DIS3L2: variants seen among roughly 807,000 people sequenced by gnomAD.
DIS3L2 encodes DIS3-like exonuclease 2.
Under a neutral mutation model 97.5 loss-of-function variants are expected in DIS3L2, and 34 were observed. That is an observed-to-expected ratio of 0.35 (90% CI 0.27 to 0.46). DIS3L2 has a LOEUF of 0.46. Among genes scored for constraint, DIS3L2 ranks in the 20% least tolerant of loss-of-function variants. The pLI, the probability that DIS3L2 is intolerant of heterozygous loss-of-function variation, is 1.00. For missense variants in DIS3L2, 1,038 were observed against 1,146.0 expected (o/e 0.91, Z 1.36); for synonymous variants, 435 against 445.2 (o/e 0.98, Z 0.29).
chr2:232,300,808 A>G (rs896125908), intron 14 of DIS3L2, among the ~76,000 whole-genome samples: 1 of 151,988 alleles, frequency 6.6e-6, no homozygotes, highest in Non-Finnish European at 1.5e-5. Flanking sequence ...GCACACCACC[A>G]TGCCCAGCTA....
chr2:232,045,318 A>G (rs902850195), intron 5 of DIS3L2, among the ~76,000 whole-genome samples: 2 of 152,156 alleles, frequency 1.3e-5, no homozygotes, highest in Admixed American at 6.5e-5. Flanking sequence ...TTTGTTGGGG[A>G]TGTTTCTTAC....
intron 10 of DIS3L2, among the ~76,000 whole-genome samples, chr2:232,211,205 C>T (rs1692181822): frequency 6.8e-6 from 1 of 146,494 alleles, no homozygotes; most frequent in South Asian, 2.4e-4. Context: ...AGTGTAGTGG[C>T]ATGATCATAG....
At chr2:232,329,788 C>CAGG in intron 14 of DIS3L2, 25 bp from the exon 15 acceptor site, 15 of 1,080,602 alleles carry the variant, frequency 1.4e-5, no homozygotes, top group East Asian at 3.0e-5. Context: ...CCAGCGGTCC[C>CAGG]TCCCATCCCA....
chr2:232,024,895 GT>G (rs1422978592), intron 4 of DIS3L2, among the ~76,000 whole-genome samples: 1 of 151,970 alleles, frequency 6.6e-6, no homozygotes, highest in Non-Finnish European at 1.5e-5. Flanking sequence ...CTTAAATCAA[GT>G]TTACACTGAT....
At chr2:232,223,344 G>A (rs1692556323) in intron 10 of DIS3L2, among the ~76,000 whole-genome samples, 1 of 152,140 alleles carries the variant, frequency 6.6e-6, no homozygotes, top group Admixed American at 6.6e-5. Flanking sequence ...ACTGCATCAT[G>A]GAAATTTGGG....
intron 1 of DIS3L2, among the ~76,000 whole-genome samples, chr2:231,988,481 T>C (rs1307449355): frequency 1.3e-5 from 2 of 152,240 alleles, no homozygotes; most frequent in Non-Finnish European, 2.9e-5. Flanking sequence ...TGTTTTAGTA[T>C]CTTAGTCATT....
chr2:232,021,094 C>T (rs1221235172), intron 3 of DIS3L2, among the ~76,000 whole-genome samples: 1 of 152,096 alleles, frequency 6.6e-6, no homozygotes, highest in Non-Finnish European at 1.5e-5. Context: ...ACTGATTTAG[C>T]CCAGTTGTGT....
chr2:232,285,759 A>T (rs1027175295), intron 13 of DIS3L2, among the ~76,000 whole-genome samples: 4 of 150,750 alleles, frequency 2.7e-5, no homozygotes, highest in African/African-American at 1.0e-4. Flanking sequence ...AGGAGCAGTG[A>T]TACCTGGACA....
intron 5 of DIS3L2, among the ~76,000 whole-genome samples, chr2:232,052,863 T>G (rs1189580173): frequency 6.6e-6 from 1 of 152,240 alleles, no homozygotes; most frequent in Non-Finnish European, 1.5e-5. Context: ...CACATTCCAG[T>G]GGCATTTGAT....
chr2:232,083,483 A>T (rs1202721812), intron 5 of DIS3L2, among the ~76,000 whole-genome samples: 1 of 150,728 alleles, frequency 6.6e-6, no homozygotes, highest in Non-Finnish European at 1.5e-5. Flanking sequence ...TCTTTGCATA[A>T]TGTCTTCTTC....
intron 6 of DIS3L2, among the ~76,000 whole-genome samples, chr2:232,114,741 A>G (rs1697648424): frequency 1.3e-5 from 2 of 152,230 alleles, no homozygotes; most frequent in Admixed American, 6.5e-5. Flanking sequence ...GTGTTTGAGA[A>G]GTAAATCTGG....
At chr2:232,260,342 T>C (rs1172969322) in intron 12 of DIS3L2, 2 of 152,248 alleles carry the variant, frequency 1.3e-5, no homozygotes, top group African/African-American at 4.8e-5. Flanking sequence ...CTTCAGGAAA[T>C]GTGGATGTGC....
chr2:232,329,809 G>A lies in DIS3L2; in HGVS notation c.1740-4G>A. 3.5e-6 allele frequency: 1 copy of A among 282,214 alleles called. No homozygotes were observed. Among genetic ancestry groups the A allele is most frequent in the Non-Finnish European group, 6.7e-6 (1 of 148,322 alleles). 17.5% of individuals were successfully genotyped at this position (282,214 alleles called of 1,614,324 possible). ...GTCCCTCCCATCCCACCCACCCTCT[G>A]CAGGCTCGTGGAGGAGTTCATGCTC... On this transcript the variant is annotated splice_region_variant and splice_polypyrimidine_tract_variant and intron_variant, in intron 14 of 20. Transcript: ENST00000325385.
chr2:232,205,575 T>TA (rs1692006784), intron 9 of DIS3L2, among the ~76,000 whole-genome samples: 2 of 152,076 alleles, frequency 1.3e-5, no homozygotes, highest in African/African-American at 4.8e-5. Flanking sequence ...GTGCTGGAAT[T>TA]ACAGCCATGA....
chr2:232,156,402 C>T (rs753085676), intron 8 of DIS3L2, among the ~76,000 whole-genome samples: 13 of 151,878 alleles, frequency 8.6e-5, no homozygotes, highest in Non-Finnish European at 1.5e-4. Flanking sequence ...TTGAGAGTAT[C>T]TTTGGTCATT....
rs529565979 is a variant in DIS3L2, at chr2:232,105,998, G to A, written c.601+18277G>A. ...TAATTCATTTTCCTTGGGTTTACTG[G>A]TAATGAAAAGGGTCTCTGAGTAATG... On this transcript the variant is annotated intron_variant, in intron 6 of 20. Coordinates refer to ENST00000325385, the MANE Select transcript of DIS3L2 (RefSeq NM_152383.5). 1.0e-3 allele frequency among the ~76,000 whole-genome samples: 158 copies of A among 152,202 alleles called. 1 individual carries two copies. Among genetic ancestry groups the A allele is most frequent in the Middle Eastern group, 0.01 (3 of 294 alleles).
At chr2:232,030,210 CT>C (rs1694767802) in intron 5 of DIS3L2, 130 bp downstream of exon 5, 1 of 726,134 alleles carries the variant, frequency 1.4e-6, no homozygotes, top group African/African-American at 1.8e-5. Flanking sequence ...GGGGTGTAAT[CT>C]TGGAAGCATG....
intron 14 of DIS3L2, chr2:232,328,977 G>C (rs908906528): frequency 4.6e-5 from 7 of 152,392 alleles, no homozygotes; most frequent in African/African-American, 1.7e-4. Context: ...CCTGGTTCAT[G>C]TCCCACATCG....
intron 10 of DIS3L2, among the ~76,000 whole-genome samples, chr2:232,211,632 C>T (rs1411710235): frequency 2.6e-5 from 4 of 152,204 alleles, no homozygotes; most frequent in Non-Finnish European, 2.9e-5. Flanking sequence ...CAGTCTGCCA[C>T]CAAGCGTTGA....
Sources: gnomAD v4.1 joint callset for allele counts (sites outside exome capture counted in the v4.1 genomes callset) on GRCh38, gnomAD v4.1.1 for gene constraint, MANE v1.5 for transcripts, NCBI Gene and HGNC (gene_info 2026-07-23, HGNC 2026-07-21) for gene names.